Variants in ZNF177 observed in about 807,000 individuals in gnomAD.
ZNF177 encodes zinc finger protein 177.
In ZNF177, 17 loss-of-function variants were observed where a neutral mutation model predicts 19.4. That is an observed-to-expected ratio of 0.87 (90% CI 0.60 to 1.31). The LOEUF is 1.31. ZNF177 is among the 40% of genes most tolerant of loss of function. ZNF177 has a pLI of 0.00. For missense variants in ZNF177, 633 were observed against 561.8 expected, an observed-to-expected ratio of 1.13 and a Z score of -1.28; for synonymous variants, 220 against 188.7, an observed-to-expected ratio of 1.17 and a Z score of -1.36.
chr19:9,381,910 C>G, exon 6 of ZNF177: 1 of 1,330,700 alleles, frequency 7.5e-7, no homozygotes, highest in South Asian at 1.5e-5. Flanking sequence ...TATACTGGGA[C>G]AAACCTTATA....
upstream of ZNF177, among the ~76,000 whole-genome samples, chr19:9,375,442 C>T (rs547257879): frequency 1.8e-4 from 27 of 152,242 alleles, no homozygotes; most frequent in African/African-American, 4.3e-4. Flanking sequence ...TAGAATTCAA[C>T]GGTGAAGCCA....
upstream of ZNF177, among the ~76,000 whole-genome samples, chr19:9,374,341 T>C (rs1015111932): frequency 1.3e-5 from 2 of 152,230 alleles, no homozygotes; most frequent in Admixed American, 6.5e-5. Context: ...GCCTCCAGTA[T>C]TGTTCAAGAT....
exon 6 of ZNF177, chr19:9,381,605 A>C (rs2068203482): frequency 6.2e-7 from 1 of 1,614,154 alleles, no homozygotes; most frequent in Non-Finnish European, 8.5e-7. Flanking sequence ...AAAACCTATG[A>C]GTGTAAAGAA....
Position 9,379,631 on chromosome 19 carries a change from G to A in ZNF177, c.253+12G>A. 1 of 1,612,792 alleles carries A rather than the reference G, an allele frequency of 6.2e-7. No homozygotes were observed. Among genetic ancestry groups the A allele is most frequent in the Non-Finnish European group, 8.5e-7 (1 of 1,179,510 alleles). Reference sequence around the variant, plus strand: ...AGGTGACTGTGCAGGTGAGCCTTGGGCAGAACAGGGTGCAGCCTTGGCCAG... The same window carrying A: ...AGGTGACTGTGCAGGTGAGCCTTGGACAGAACAGGGTGCAGCCTTGGCCAG... On this transcript the variant is annotated intron_variant, in intron 4 of 5. Coordinates refer to ENST00000589262, the Ensembl canonical transcript of ZNF177.
At chr19:9,375,559 G>T (rs1188067148), upstream of ZNF177, among the ~76,000 whole-genome samples, 1 of 151,982 alleles carries the variant, frequency 6.6e-6, no homozygotes, top group East Asian at 1.9e-4. Flanking sequence ...GTCTTAGCAG[G>T]TTATATATTT....
chr19:9,381,860 C>A, exon 6 of ZNF177: 1 of 1,506,982 alleles, frequency 6.6e-7, no homozygotes, highest in South Asian at 1.4e-5. Flanking sequence ...CTGTTATGGT[C>A]ACCTGGAAAC....
At chr19:9,377,268 TTATA>T (rs2068122638) in intron 1 of ZNF177, among the ~76,000 whole-genome samples, 1 of 152,194 alleles carries the variant, frequency 6.6e-6, no homozygotes, top group South Asian at 2.1e-4. Context: ...GTACAGTAGA[TTATA>T]TACAGTACAT....
chr19:9,378,910 C>T lies in ZNF177; in HGVS notation c.34-52C>T. On this transcript the variant is annotated intron_variant, in intron 2 of 5. Transcript: ENST00000589262. ...AGCCTCACCCACCATTCTCCTGGTA[C>T]ATTGTCAAAAATGGTCATTGGCTGA... 5 of 1,543,884 alleles carry T rather than the reference C, an allele frequency of 3.2e-6. No individual in the cohort carries two copies. The South Asian group carries it at 5.0e-5, about 15-fold the overall frequency.
At chr19:9,368,270 C>G (rs1221581649) in intron 2 of ZNF177, among the ~76,000 whole-genome samples, 1 of 152,144 alleles carries the variant, frequency 6.6e-6, no homozygotes, top group Non-Finnish European at 1.5e-5. Flanking sequence ...TTTAAATGTA[C>G]AAGTCAGTGG....
At chr19:9,366,365 T>C (rs2067980058) in intron 2 of ZNF177, among the ~76,000 whole-genome samples, 1 of 152,104 alleles carries the variant, frequency 6.6e-6, no homozygotes, top group African/African-American at 2.4e-5. Flanking sequence ...TAGCTCGGCC[T>C]TCCACCTTAG....
intron 1 of ZNF177, chr19:9,363,368 T>G (rs1188446998): frequency 6.6e-6 from 1 of 152,260 alleles, no homozygotes. Context: ...TTAAACGTCG[T>G]CCCCAGTAGG....
At chr19:9,368,991 T>G (rs535420029) in intron 2 of ZNF177, among the ~76,000 whole-genome samples, 3 of 152,232 alleles carry the variant, frequency 2.0e-5, no homozygotes, top group Admixed American at 2.0e-4. Context: ...GGGCACATAG[T>G]AGGTATATAT....
At position 9,378,703 on chromosome 19, in the gene ZNF177, C is replaced by T. The variant is rs533506552; in HGVS notation, c.34-259C>T. Reference sequence around the variant, plus strand: ...GACGAAAAGAGTCCTCACAACCTAACTGTGCAAAGATCAAGCCAACCATAT... The same window carrying T: ...GACGAAAAGAGTCCTCACAACCTAATTGTGCAAAGATCAAGCCAACCATAT... On this transcript the variant is annotated intron_variant, in intron 2 of 5. Coordinates refer to ENST00000589262, the Ensembl canonical transcript of ZNF177. 20 of 566,836 alleles carry T rather than the reference C, an allele frequency of 3.5e-5. No individual in the cohort carries two copies. In the South Asian group the frequency reaches 6.5e-4, roughly 19 times the overall value. 35.1% of individuals were successfully genotyped at this position (566,836 alleles called of 1,614,324 possible). A position where few individuals can be genotyped will look rare whatever the true frequency, so the allele number is the denominator to read the frequency against.
Position 9,378,338 on chromosome 19 carries a change from G to A in ZNF177, c.27G>A (p.Trp9Ter). 1 of 1,613,614 alleles carries A rather than the reference G, an allele frequency of 6.2e-7. No individual in the cohort carries two copies. The highest frequency in any genetic ancestry group is 8.5e-7 in the Non-Finnish European group (1 of 1,179,788). The change falls in exon 2 of 6, where the codon TGG becomes TGA. Residue 9 changes from tryptophan (W) to a stop codon, truncating the protein, a stop_gained. Coordinates refer to ENST00000589262, the Ensembl canonical transcript of ZNF177. LOFTEE classifies it high-confidence loss of function. ...TGGCTGCAGGGTGGCTGACAACCTGGTCACAGGTACACAAGAAATTTCTCT... is the reference window on the plus strand; with the variant it reads ...TGGCTGCAGGGTGGCTGACAACCTGATCACAGGTACACAAGAAATTTCTCT...
chr19:9,375,811 C>T (rs534644581), upstream of ZNF177, among the ~76,000 whole-genome samples: 4 of 152,206 alleles, frequency 2.6e-5, no homozygotes, highest in African/African-American at 9.6e-5. Context: ...TTCCTAGTCT[C>T]TCATTTATTT....
exon 6 of ZNF177, chr19:9,380,793 C>T: frequency 6.5e-7 from 1 of 1,536,056 alleles, no homozygotes; most frequent in Non-Finnish European, 8.7e-7. Context: ...TAAAGTATAG[C>T]AAAGTCTTCA....
chr19:9,372,342 C>G (rs561133926), upstream of ZNF177, among the ~76,000 whole-genome samples: 1 of 152,098 alleles, frequency 6.6e-6, no homozygotes, highest in Non-Finnish European at 1.5e-5. Flanking sequence ...GGTACAGTTC[C>G]TTGCTTCACG....
At chr19:9,363,703 T>G (rs2067938194) in intron 1 of ZNF177, among the ~76,000 whole-genome samples, 1 of 152,216 alleles carries the variant, frequency 6.6e-6, no homozygotes, top group Admixed American at 6.5e-5. Flanking sequence ...CAGGGTGTGT[T>G]TTGTATGCAG....
intron 2 of ZNF177, chr19:9,378,750 A>C: frequency 1.4e-6 from 1 of 736,286 alleles, no homozygotes; most frequent in South Asian, 3.1e-5. Context: ...TGTTTTGACC[A>C]TGACCCTGAA....
Sources: gnomAD v4.1 joint callset for allele counts (sites outside exome capture counted in the v4.1 genomes callset) on GRCh38, gnomAD v4.1.1 for gene constraint, MANE v1.5 for transcripts, NCBI Gene and HGNC (gene_info 2026-07-23, HGNC 2026-07-21) for gene names.